Variants in GRIK3 observed in about 807,000 individuals in gnomAD.
GRIK3 encodes the protein glutamate ionotropic receptor kainate type subunit 3.
Under a neutral mutation model 102.5 loss-of-function variants are expected in GRIK3, and 29 were observed. That is an observed-to-expected ratio of 0.28 (90% CI 0.21 to 0.39). The LOEUF is 0.39. Ranked by LOEUF, GRIK3 falls within the 10% of genes least tolerant of loss-of-function variation. The pLI is 1.00. For missense variants in GRIK3, 908 were observed against 1,252.4 expected (o/e 0.73, Z 4.15); for synonymous variants, 511 against 504.9 (o/e 1.01, Z -0.16).
chr1:37,009,035 C>G (rs1642560901), intron 1 of GRIK3, among the ~76,000 whole-genome samples: 1 of 151,766 alleles, frequency 6.6e-6, no homozygotes, highest in South Asian at 2.1e-4. Context: ...AGCTACTTAC[C>G]CCTCTGAGCC....
Position 36,806,180 on chromosome 1 carries a change from G to T in GRIK3, c.2238C>A (p.Val746=), listed in dbSNP as rs148421067. 102 of 1,614,052 alleles carry T rather than the reference G, an allele frequency of 6.3e-5. No individual in the cohort carries two copies. The highest frequency in any genetic ancestry group is 8.2e-5 in the Non-Finnish European group (97 of 1,180,014). ...LLMESTTIEY[V]TQRNCNLTQI... is the part of the protein sequence containing the mutation. Reference sequence around the variant, plus strand: ...GGGTGAGGTTGCAGTTCCTCTGCGTGACGTACTCGATGGTGGTGGACTCCA... The same window carrying T: ...GGGTGAGGTTGCAGTTCCTCTGCGTTACGTACTCGATGGTGGTGGACTCCA... Residue 746 remains valine (V), a synonymous_variant, in exon 14 of 16, where the codon GTC becomes GTA. Coordinates refer to ENST00000373091, the MANE Select transcript of GRIK3 (RefSeq NM_000831.4). The surrounding 1 kb of genome is among the most constrained non-coding windows in gnomAD (Gnocchi z 4.0).
chr1:37,003,005 G>A (rs780036184), intron 1 of GRIK3, among the ~76,000 whole-genome samples: 1 of 141,610 alleles, frequency 7.1e-6, no homozygotes, highest in Non-Finnish European at 1.5e-5. Flanking sequence ...AAAATAAAGG[G>A]TTAATAAAAG....
intron 1 of GRIK3, among the ~76,000 whole-genome samples, chr1:36,915,980 A>G (rs1024123130): frequency 6.6e-6 from 1 of 152,340 alleles, no homozygotes; most frequent in Non-Finnish European, 1.5e-5. Context: ...TGGAGGGCTC[A>G]GAAGAAGACA....
intron 1 of GRIK3, among the ~76,000 whole-genome samples, chr1:36,930,356 T>C (rs1248096491): frequency 1.3e-5 from 2 of 152,166 alleles, no homozygotes; most frequent in Non-Finnish European, 2.9e-5. Flanking sequence ...CAGTGGTGAT[T>C]TGGTCTTTAT....
intron 1 of GRIK3, among the ~76,000 whole-genome samples, chr1:36,925,628 T>G: frequency 6.6e-6 from 1 of 152,252 alleles, no homozygotes; most frequent in East Asian, 1.9e-4. Context: ...CCTGGGGCTC[T>G]GCTGGTAGTG....
chr1:36,833,658 T>C (rs752277997), intron 10 of GRIK3, among the ~76,000 whole-genome samples: 15 of 152,316 alleles, frequency 9.8e-5, no homozygotes, highest in African/African-American at 3.1e-4. Flanking sequence ...TAGTTCCTAG[T>C]TGGGAGGAAG....
intron 1 of GRIK3, among the ~76,000 whole-genome samples, chr1:36,973,238 C>T (rs1405743302): frequency 6.6e-6 from 1 of 152,158 alleles, no homozygotes; most frequent in East Asian, 1.9e-4. Context: ...AAGCAACACT[C>T]CACCCCTCCT....
rs1203393210 is a variant in GRIK3 at position 36,946,273 on chromosome 1, C to T, written c.116-55177G>A. On this transcript the variant is annotated intron_variant, in intron 1 of 15. Transcript: ENST00000373091. The stretch of plus-strand genomic sequence containing the variant: ...AGAGCAGATGGGACACCTGGGACAC[C>T]GGCCCTTGGTCTATGTGAGCACAGG... Among the ~76,000 whole-genome samples, 7 of 152,228 alleles carry T rather than the reference C, an allele frequency of 4.6e-5. No homozygotes were observed. In the East Asian group the frequency reaches 5.8e-4, roughly 13 times the overall value.
intron 1 of GRIK3, among the ~76,000 whole-genome samples, chr1:36,910,434 C>T (rs1641332143): frequency 6.6e-6 from 1 of 152,258 alleles, no homozygotes; most frequent in Non-Finnish European, 1.5e-5. Context: ...AGGGCCCCCG[C>T]AGCTCAGTGC....
intron 1 of GRIK3, among the ~76,000 whole-genome samples, chr1:36,926,644 C>T (rs1032129232): frequency 2.6e-5 from 4 of 152,134 alleles, no homozygotes; most frequent in Non-Finnish European, 5.9e-5. Flanking sequence ...CCGCCTTGGC[C>T]TCCCAAAGTG....
rs766642066 is a variant in GRIK3, at chr1:36,860,625, C to A, written c.787-608G>T. ...AGGTCCTGCCAAGGGTCCAGGAGAA[C>A]AGGGTCTCAACGCAGGTGAGGCTGG... On this transcript the variant is annotated intron_variant, in intron 5 of 15. Transcript: ENST00000373091. Among the ~76,000 whole-genome samples the A allele has an allele frequency of 2.6e-5, 4 of 152,180 alleles. No individual in the cohort carries two copies. In the East Asian group the frequency reaches 7.7e-4, roughly 29 times the overall value.
chr1:36,817,486 A>C (rs1053115703), intron 12 of GRIK3, among the ~76,000 whole-genome samples: 6 of 152,190 alleles, frequency 3.9e-5, no homozygotes, highest in African/African-American at 1.2e-4. Context: ...CTTCCCCAGC[A>C]CTCACTGAAT....
In GRIK3 at chr1:36,806,267, C is replaced by T. The variant is rs1287829894; in HGVS notation, c.2151G>A (p.Ala717=). ...TGCCCTCCTCGTTGTTCTTCACCAG[C>T]GCCGATGGCTTGCTGCTCATGAAGG... ...MWAFMSSKPS[A]LVKNNEEGIQ... is the part of the protein sequence containing the mutation. Residue 717 remains alanine, a synonymous_variant, in exon 14 of 16, where the codon GCG becomes GCA. Coordinates refer to ENST00000373091, the MANE Select transcript of GRIK3 (RefSeq NM_000831.4). This position sits in a 1 kb window ranked among gnomAD's most constrained non-coding sequence, Gnocchi z 4.0. 5.6e-6 allele frequency: 9 copies of T among 1,614,042 alleles called. No homozygotes were observed. The highest frequency in any genetic ancestry group is 1.7e-5 in the Admixed American group (1 of 60,006).
chr1:36,983,983 A>C (rs149220892), intron 1 of GRIK3, among the ~76,000 whole-genome samples: 1 of 152,298 alleles, frequency 6.6e-6, no homozygotes, highest in African/African-American at 2.4e-5. Context: ...ACTTTGACAC[A>C]GAGCAGCACC....
Position 36,890,957 on chromosome 1 carries a change from C to T in GRIK3, c.255G>A (p.Arg85=), listed in dbSNP as rs1641107526. 6.2e-7 allele frequency: 1 copy of T among 1,613,116 alleles called. No homozygotes were observed. Among genetic ancestry groups the T allele is most frequent in the Non-Finnish European group, 8.5e-7 (1 of 1,179,446 alleles). ...PNTTLTYDIQ[R]IHFHDSFEAT... ...CCTCGAAGCTGTCATGGAAGTGAAT[C>T]CTCTGTATGTCATAGGTCAAGGTTG... The change falls in exon 2 of 16, where the codon AGG becomes AGA. Residue 85 remains arginine (R), a synonymous_variant. Transcript: ENST00000373091.
At chr1:36,891,252 AC>A (rs1159569655) in intron 1 of GRIK3, among the ~76,000 whole-genome samples, 156 bp from the exon 2 acceptor site, 1 of 152,264 alleles carries the variant, frequency 6.6e-6, no homozygotes, top group Non-Finnish European at 1.5e-5. Context: ...GTGCAGGAGC[AC>A]AAGAAATAGG....
intron 1 of GRIK3, among the ~76,000 whole-genome samples, chr1:36,937,285 C>T (rs955128918): frequency 1.3e-4 from 20 of 152,034 alleles, no homozygotes; most frequent in African/African-American, 4.8e-4. Flanking sequence ...ACAACAAGCC[C>T]GGTGTGAATC....
intron 1 of GRIK3, among the ~76,000 whole-genome samples, chr1:36,962,666 GA>G (rs1642025803): frequency 6.7e-6 from 1 of 148,718 alleles, no homozygotes; most frequent in Non-Finnish European, 1.5e-5. Flanking sequence ...GAGAGAGAGA[GA>G]ACAGAAGTGA....
intron 5 of GRIK3, among the ~76,000 whole-genome samples, chr1:36,861,448 G>C (rs1640724540): frequency 6.6e-6 from 1 of 152,178 alleles, no homozygotes; most frequent in Non-Finnish European, 1.5e-5. Context: ...TCCATCTGGT[G>C]CTGGGAAGGA....
Sources: allele counts gnomAD v4.1 joint callset (sites outside exome capture counted in the v4.1 genomes callset), GRCh38; gene constraint gnomAD v4.1.1; non-coding constraint Gnocchi (gnomAD v3.1); transcripts MANE v1.5; gene names NCBI Gene and HGNC (gene_info 2026-07-23, HGNC 2026-07-21).